Variants in THADA observed in about 807,000 individuals in gnomAD.
The protein encoded by THADA is tRNA (32-2'-O)-methyltransferase regulator THADA.
Under a neutral mutation model 219.8 loss-of-function variants are expected in THADA, and 213 were observed. The ratio of observed to expected loss-of-function variants is 0.97; its 90% CI spans 0.87 to 1.09. THADA has a LOEUF of 1.09. THADA is among the 50% of genes least tolerant of loss of function. The pLI is 0.00. For missense variants in THADA, 2,956 were observed against 2,311.3 expected (o/e 1.28, Z -5.72); for synonymous variants, 1,018 against 828.9 (o/e 1.23, Z -3.92).
intron 24 of THADA, among the ~76,000 whole-genome samples, chr2:43,502,134 T>G (rs1421993149): frequency 1.3e-5 from 2 of 150,016 alleles, no homozygotes; most frequent in African/African-American, 4.9e-5. Context: ...TATTTTATTT[T>G]ACACTAAACA....
rs541696480 is a variant in THADA, at chr2:43,350,007, G to A, written c.4228-5770C>T. Among the ~76,000 whole-genome samples, 4 of 152,072 alleles carry A rather than the reference G, an allele frequency of 2.6e-5. No individual in the cohort carries two copies. In the South Asian group the frequency reaches 8.3e-4, roughly 31 times the overall value. On this transcript the variant is annotated intron_variant, in intron 29 of 37. Transcript: ENST00000405975. ...TAGTGTTTACACAGGATTTTATTTC[G>A]ACTGGTAAAACATCTGTATTTTTTC...
intron 28 of THADA, among the ~76,000 whole-genome samples, chr2:43,405,954 C>T (rs1675477053): frequency 6.6e-6 from 1 of 152,234 alleles, no homozygotes; most frequent in Non-Finnish European, 1.5e-5. Flanking sequence ...ACAAGCCCAA[C>T]CACAGAGTCT....
intron 35 of THADA, among the ~76,000 whole-genome samples, chr2:43,283,976 C>A (rs1315160029): frequency 6.6e-6 from 1 of 152,132 alleles, no homozygotes; most frequent in Non-Finnish European, 1.5e-5. Context: ...GTCAGGAATT[C>A]AAGACCAGCC....
chr2:43,505,135 G>A (rs1180871951), intron 24 of THADA, among the ~76,000 whole-genome samples: 1 of 152,148 alleles, frequency 6.6e-6, no homozygotes, highest in East Asian at 1.9e-4. Flanking sequence ...GTTACAAAAT[G>A]TACATCAACG....
chr2:43,501,150 A>T (rs994886939), intron 24 of THADA, among the ~76,000 whole-genome samples: 2 of 151,544 alleles, frequency 1.3e-5, no homozygotes, highest in African/African-American at 2.4e-5. Flanking sequence ...TACTAAAAAT[A>T]AAAAAATTAG....
In THADA at chr2:43,275,414, G is replaced by A. The variant is rs532676267; in HGVS notation, c.5296+4351C>T. On this transcript the variant is annotated intron_variant, in intron 36 of 37. Transcript: ENST00000405975. Reference sequence around the variant, plus strand: ...AAAGAGCAAGAAAGGGGGAGATCCAGTGCCAGGAAAAGCAAGAAGCCTGAG... The same window carrying A: ...AAAGAGCAAGAAAGGGGGAGATCCAATGCCAGGAAAAGCAAGAAGCCTGAG... Among the ~76,000 whole-genome samples the A allele has an allele frequency of 2.6e-5, 4 of 152,290 alleles. No individual in the cohort carries two copies. In the South Asian group the frequency reaches 8.3e-4, roughly 32 times the overall value.
At chr2:43,303,922 A>G (rs1676549869) in intron 31 of THADA, among the ~76,000 whole-genome samples, 1 of 152,174 alleles carries the variant, frequency 6.6e-6, no homozygotes, top group African/African-American at 2.4e-5. Flanking sequence ...ATTTCCTAAC[A>G]AATTCCCAGG....
At chr2:43,407,729 G>A (rs1573503562) in intron 28 of THADA, among the ~76,000 whole-genome samples, 2 of 152,174 alleles carry the variant, frequency 1.3e-5, no homozygotes, top group African/African-American at 4.8e-5. Context: ...AATATTTACT[G>A]AGTGCCTGCT....
At chr2:43,433,419 C>T (rs1355498650) in intron 26 of THADA, among the ~76,000 whole-genome samples, 1 of 151,948 alleles carries the variant, frequency 6.6e-6, no homozygotes, top group East Asian at 2.0e-4. Flanking sequence ...ATCCCAGCTA[C>T]TCTGGAGGCT....
chr2:43,440,312 A>G (rs1680691098), intron 26 of THADA, among the ~76,000 whole-genome samples: 1 of 152,160 alleles, frequency 6.6e-6, no homozygotes, highest in African/African-American at 2.4e-5. Context: ...AATCTATTGC[A>G]TGATTGACTG....
At chr2:43,347,167 G>C (rs1234043874) in intron 29 of THADA, among the ~76,000 whole-genome samples, 1 of 152,194 alleles carries the variant, frequency 6.6e-6, no homozygotes, top group East Asian at 1.9e-4. Context: ...GCCGGGCAGA[G>C]ATAGGTGTAA....
At chr2:43,397,104 G>C (rs138359787) in intron 29 of THADA, among the ~76,000 whole-genome samples, 90 of 151,414 alleles carry the variant, frequency 5.9e-4, no homozygotes, top group African/African-American at 2.1e-3. Flanking sequence ...GGGTAGATCT[G>C]AGATTCACAC....
At chr2:43,516,067 C>A (rs1456749514) in intron 22 of THADA, among the ~76,000 whole-genome samples, 2 of 152,114 alleles carry the variant, frequency 1.3e-5, no homozygotes, top group Non-Finnish European at 2.9e-5. Context: ...GTCAACAAAC[C>A]TTGCCTGCTC....
At chr2:43,353,809 C>T (rs1668559815) in intron 29 of THADA, among the ~76,000 whole-genome samples, 2 of 147,248 alleles carry the variant, frequency 1.4e-5, no homozygotes, top group Non-Finnish European at 3.0e-5. Context: ...GCATGGGCCA[C>T]CAAGCTCAGC....
intron 28 of THADA, among the ~76,000 whole-genome samples, chr2:43,422,724 G>A (rs891400628): frequency 6.6e-6 from 1 of 152,014 alleles, no homozygotes; most frequent in Non-Finnish European, 1.5e-5. Flanking sequence ...AGTCTTTCAA[G>A]GCTTTTTTGG....
rs150883494 is a variant in THADA at position 43,353,216 on chromosome 2, A to C, written c.4228-8979T>G. Among the ~76,000 whole-genome samples, 383 of 152,264 alleles carry C rather than the reference A, an allele frequency of 2.5e-3. 2 individuals carry two copies. The highest frequency in any genetic ancestry group is 8.8e-3 in the African/African-American group (367 of 41,562). On this transcript the variant is annotated intron_variant, in intron 29 of 37. Transcript: ENST00000405975. ...CCAGAAGCAGGATTTGCTGGGTCTT[A>C]TGATGGTTCTATTTGTAATTTCTTT...
intron 29 of THADA, among the ~76,000 whole-genome samples, chr2:43,390,073 T>C (rs1239358761): frequency 6.6e-6 from 1 of 152,138 alleles, no homozygotes; most frequent in East Asian, 1.9e-4. Context: ...TTACTCTACA[T>C]CTCTAAGGCC....
At chr2:43,240,703 A>G (rs1476464394) in intron 36 of THADA, among the ~76,000 whole-genome samples, 1 of 152,190 alleles carries the variant, frequency 6.6e-6, no homozygotes, top group African/African-American at 2.4e-5. Context: ...ACTGGAGACA[A>G]ATGGCCCAGA....
intron 30 of THADA, among the ~76,000 whole-genome samples, chr2:43,333,712 T>C (rs376719307): frequency 2.6e-5 from 4 of 152,142 alleles, no homozygotes; most frequent in African/African-American, 9.7e-5. Flanking sequence ...CACATGATCA[T>C]CTGAATATTT....
Sources: allele counts gnomAD v4.1 joint callset (sites outside exome capture counted in the v4.1 genomes callset), GRCh38; gene constraint gnomAD v4.1.1; transcripts MANE v1.5; gene names NCBI Gene and HGNC (gene_info 2026-07-23, HGNC 2026-07-21).